RBFOX1: variants seen among roughly 807,000 people sequenced by gnomAD.
The protein encoded by RBFOX1 is RNA binding fox-1 homolog 1.
In RBFOX1, 8 loss-of-function variants were observed where a neutral mutation model predicts 57.7. That is an observed-to-expected ratio of 0.14 (90% CI 0.08 to 0.25). The LOEUF (loss-of-function observed/expected upper bound fraction) is 0.25. RBFOX1 is among the 10% of genes least tolerant of loss of function. The pLI is 1.00. For missense variants in RBFOX1, 611 were observed against 548.5 expected, an observed-to-expected ratio of 1.11 and a Z score of -1.14; for synonymous variants, 326 against 222.4, an observed-to-expected ratio of 1.47 and a Z score of -4.15.
At chr16:6,020,699 A>AG (rs368401986) in intron 1 of RBFOX1, among the ~76,000 whole-genome samples, 150 of 151,644 alleles carry the variant, frequency 9.9e-4, no homozygotes, top group Admixed American at 1.5e-3. Context: ...TGTGCAGGCC[A>AG]GGGGGGGGCT....
intron 4 of RBFOX1, among the ~76,000 whole-genome samples, chr16:7,089,896 GA>G (rs376560268): frequency 1.5e-3 from 165 of 107,392 alleles, no homozygotes; most frequent in African/African-American, 5.6e-3. Flanking sequence ...CTTTAATTCA[GA>G]TTTTTTTTCT....
intron 5 of RBFOX1, among the ~76,000 whole-genome samples, chr16:7,567,968 G>C (rs1201903366): frequency 6.6e-6 from 1 of 151,022 alleles, no homozygotes; most frequent in Non-Finnish European, 1.5e-5. Flanking sequence ...TATTGCCCAA[G>C]AAAAAACATT....
rs1195148626 is a variant in RBFOX1 at position 7,500,797 on chromosome 16, C to G, written c.28-17350C>G. 2.6e-5 allele frequency among the ~76,000 whole-genome samples: 4 copies of G among 152,166 alleles called. No homozygotes were observed. In the East Asian group the frequency reaches 7.7e-4, roughly 29 times the overall value. ...CCCATGATATGGTTTGTCAGTGTCC[C>G]CACTCAAATCTCATCTTGAACTCTA... On this transcript the variant is annotated intron_variant, in intron 4 of 15. Coordinates refer to ENST00000550418, the MANE Select transcript of RBFOX1 (RefSeq NM_018723.4).
chr16:6,641,941 C>T (rs1334596298), intron 2 of RBFOX1, among the ~76,000 whole-genome samples: 3 of 152,012 alleles, frequency 2.0e-5, no homozygotes, highest in Non-Finnish European at 2.9e-5. Flanking sequence ...TCTCTTTTTT[C>T]CATTCTTTTG....
intron 3 of RBFOX1, among the ~76,000 whole-genome samples, chr16:7,020,523 T>A (rs1255535371): frequency 6.6e-6 from 1 of 152,152 alleles, no homozygotes; most frequent in Non-Finnish European, 1.5e-5. Context: ...CCAGCCAATC[T>A]AAAATATTTT....
At chr16:6,566,174 G>A (rs2097263220) in intron 2 of RBFOX1, among the ~76,000 whole-genome samples, 1 of 152,188 alleles carries the variant, frequency 6.6e-6, no homozygotes, top group Non-Finnish European at 1.5e-5. Flanking sequence ...AGTAGGCAAG[G>A]AGGTACAATC....
intron 4 of RBFOX1, among the ~76,000 whole-genome samples, chr16:7,150,480 A>C (rs1349531742): frequency 3.3e-5 from 5 of 151,992 alleles, no homozygotes; most frequent in African/African-American, 4.8e-5. Context: ...CATTATTACC[A>C]CTCAATGGTG....
chr16:6,250,154 C>T (rs556828736), intron 1 of RBFOX1, among the ~76,000 whole-genome samples: 6 of 152,314 alleles, frequency 3.9e-5, no homozygotes, highest in Admixed American at 6.5e-5. Flanking sequence ...CCACCTTCAT[C>T]TGCTGTTGCT....
chr16:6,719,445 G>GT (rs35154093), intron 3 of RBFOX1, among the ~76,000 whole-genome samples: 4,870 of 145,026 alleles, frequency 0.034, 102 homozygotes, highest in African/African-American at 0.049. Flanking sequence ...AAAATAACCT[G>GT]TTTTTTTTTT....
At chr16:6,516,292 C>G (rs2096376757) in intron 2 of RBFOX1, among the ~76,000 whole-genome samples, 1 of 152,182 alleles carries the variant, frequency 6.6e-6, no homozygotes, top group Admixed American at 6.5e-5. Flanking sequence ...TAAATTTTAG[C>G]TCTGCCTTCT....
chr16:6,231,016 C>T (rs533978544), intron 1 of RBFOX1, among the ~76,000 whole-genome samples: 1 of 152,000 alleles, frequency 6.6e-6, no homozygotes. Context: ...CATCAGTGAC[C>T]ACTTGTGGTA....
chr16:6,923,201 G>A (rs926510040), intron 3 of RBFOX1, among the ~76,000 whole-genome samples: 1 of 152,152 alleles, frequency 6.6e-6, no homozygotes, highest in Non-Finnish European at 1.5e-5. Context: ...TCAGTTGCCT[G>A]CCTGAGCTCT....
intron 4 of RBFOX1, among the ~76,000 whole-genome samples, chr16:7,401,605 T>C (rs1292645360): frequency 6.6e-6 from 1 of 152,246 alleles, no homozygotes; most frequent in Non-Finnish European, 1.5e-5. Flanking sequence ...TGTGTGATTC[T>C]GGCAATAGGT....
At chr16:6,827,147 A>G (rs72766773) in intron 3 of RBFOX1, among the ~76,000 whole-genome samples, 10,402 of 152,130 alleles carry the variant, frequency 0.068, 464 homozygotes, top group Non-Finnish European at 0.098. Context: ...ATACCATCCT[A>G]AAGAGGACAC....
chr16:6,621,186 G>A (rs972170028), intron 2 of RBFOX1, among the ~76,000 whole-genome samples: 1 of 152,196 alleles, frequency 6.6e-6, no homozygotes, highest in African/African-American at 2.4e-5. Context: ...GTCAGGCCGG[G>A]CGCGGTGGCT....
At chr16:6,222,407 G>A (rs117362724) in intron 1 of RBFOX1, among the ~76,000 whole-genome samples, 7 of 152,010 alleles carry the variant, frequency 4.6e-5, no homozygotes, top group South Asian at 4.2e-4. Context: ...AGTGATGTAC[G>A]TTTTCCCTTC....
intron 3 of RBFOX1, among the ~76,000 whole-genome samples, chr16:6,974,773 C>G (rs1394288340): frequency 2.6e-5 from 4 of 152,048 alleles, no homozygotes; most frequent in Non-Finnish European, 5.9e-5. Flanking sequence ...CCAGAAAACC[C>G]CCTGTGTTTG....
At chr16:6,713,175 C>G (rs1420802095) in intron 3 of RBFOX1, among the ~76,000 whole-genome samples, 1 of 152,038 alleles carries the variant, frequency 6.6e-6, no homozygotes, top group Non-Finnish European at 1.5e-5. Context: ...TTGTTCCCTC[C>G]CAGTCTTGCG....
intron 1 of RBFOX1, among the ~76,000 whole-genome samples, chr16:6,030,221 A>G (rs1304053185): frequency 6.6e-6 from 1 of 152,200 alleles, no homozygotes; most frequent in Non-Finnish European, 1.5e-5. Flanking sequence ...GCCCAGCCCT[A>G]TGATGATATT....
Sources: gnomAD v4.1 joint callset for allele counts (sites outside exome capture counted in the v4.1 genomes callset) on GRCh38, gnomAD v4.1.1 for gene constraint, MANE v1.5 for transcripts, NCBI Gene and HGNC (gene_info 2026-07-23, HGNC 2026-07-21) for gene names.